NID2: variants seen among roughly 807,000 people sequenced by gnomAD.
NID2 encodes nidogen-2.
NID2 carries 83 observed loss-of-function variants against 145.4 expected under a neutral mutation model. The ratio of observed to expected loss-of-function variants is 0.57; its 90% CI spans 0.48 to 0.69. The LOEUF (loss-of-function observed/expected upper bound fraction) is 0.69, where lower values mean the gene tolerates loss of function less well. Among genes scored for constraint, NID2 ranks in the 30% least tolerant of loss-of-function variants. The probability of loss-of-function intolerance (pLI) is 0.00; values close to 1 mark genes in which losing one functional copy is unlikely to be tolerated. For synonymous variants in NID2, 739 were observed against 701.3 expected, an observed-to-expected ratio of 1.05 and a Z score of -0.85; for missense variants, 1,807 against 1,765.7, an observed-to-expected ratio of 1.02 and a Z score of -0.42.
chr14:52,027,426 C>T (rs1891629305), intron 11 of NID2, 82 bp from the exon 12 acceptor site: 2 of 1,238,874 alleles, frequency 1.6e-6, no homozygotes, highest in Non-Finnish European at 2.1e-6. Context: ...GATCCACAGA[C>T]CAACAGCAAC....
rs1427454374 is a variant in NID2, at chr14:52,015,331, G to C, written c.3029-56C>G. On this transcript the variant is annotated intron_variant, in intron 14 of 21. Coordinates refer to ENST00000216286, the MANE Select transcript of NID2 (RefSeq NM_007361.4). ...AACCTTTGATTGTGAGTCAAGGACA[G>C]AATGCAAAATGTAGCTCAAGACCCC... The C allele has an allele frequency of 6.6e-6, 10 of 1,515,350 alleles. No homozygotes were observed. The African/African-American group carries it at 1.2e-4, about 19-fold the overall frequency. 93.9% of individuals were successfully genotyped at this position (1,515,350 alleles called of 1,614,324 possible). A position where few individuals can be genotyped will look rare whatever the true frequency, so the allele number is the denominator to read the frequency against.
intron 2 of NID2, among the ~76,000 whole-genome samples, 188 bp from the exon 3 acceptor site, chr14:52,060,544 T>C (rs1892994889): frequency 6.6e-6 from 1 of 152,222 alleles, no homozygotes. Context: ...AAGTTAACAA[T>C]ATAATTTCAT....
chr14:52,052,536 A>G (rs904060), intron 5 of NID2, among the ~76,000 whole-genome samples: 93,028 of 152,076 alleles, frequency 0.61, 30,240 homozygotes, highest in Non-Finnish European at 0.75. Context: ...GCCGACACCA[A>G]TGTACTCCCT....
chr14:52,056,623 C>T (rs185755522), intron 3 of NID2, among the ~76,000 whole-genome samples: 6 of 152,112 alleles, frequency 3.9e-5, no homozygotes, highest in East Asian at 1.9e-4. Context: ...TGGTGAAACC[C>T]CACTATAAAT....
chr14:52,042,680 T>C, intron 6 of NID2, 102 bp downstream of exon 6: 1 of 1,173,636 alleles, frequency 8.5e-7, no homozygotes, highest in East Asian at 2.4e-5. Context: ...CTGATTTAAG[T>C]AGTGGAGATG....
At chr14:52,027,633 TACACACACACACACAC>T (rs59049676) in intron 11 of NID2, among the ~76,000 whole-genome samples, 8 of 144,162 alleles carry the variant, frequency 5.5e-5, no homozygotes, top group Non-Finnish European at 7.5e-5. Flanking sequence ...GAGCAATTGC[TACACACACACACACAC>T]ACACACACAC....
chr14:52,043,804 G>A (rs1205309857), intron 5 of NID2, among the ~76,000 whole-genome samples: 2 of 152,024 alleles, frequency 1.3e-5, no homozygotes, highest in African/African-American at 2.4e-5. Flanking sequence ...GGGGGTTGTG[G>A]ATGGACAGGA....
chr14:52,040,251 A>ATTTT (rs11423537), intron 8 of NID2, among the ~76,000 whole-genome samples: 5 of 147,408 alleles, frequency 3.4e-5, no homozygotes, highest in South Asian at 2.2e-4. Flanking sequence ...TCTTTCTGTG[A>ATTTT]TTTTTTTTTT....
chr14:52,032,186 G>T (rs978151964), intron 9 of NID2, among the ~76,000 whole-genome samples: 2 of 152,342 alleles, frequency 1.3e-5, no homozygotes, highest in South Asian at 2.1e-4. Context: ...AAACACCACA[G>T]TGCATTCTTG....
chr14:52,014,566 T>TC lies in NID2; in HGVS notation c.3251-111dup, dbSNP rs938915453. ...AGCCTCCAAAAATATCAAAAGTTCT[T>TC]CGCCCTACGCAGATGTGCTCCAGAT... On this transcript the variant is annotated intron_variant, in intron 15 of 21. Transcript: ENST00000216286. The TC allele has an allele frequency of 4.5e-5, 51 of 1,144,996 alleles. No homozygotes were observed. The African/African-American group carries it at 7.6e-4, about 17-fold the overall frequency. The allele number at this position is 1,144,996 out of a possible 1,614,324, so 70.9% of individuals were successfully genotyped here. A position where few individuals can be genotyped will look rare whatever the true frequency, so the allele number is the denominator to read the frequency against.
chr14:52,039,036 G>T, intron 8 of NID2, 59 bp from the exon 9 acceptor site: 3 of 1,244,440 alleles, frequency 2.4e-6, no homozygotes, highest in African/African-American at 1.5e-5. Context: ...TTTCATGTGA[G>T]GTGGATTTTT....
At position 52,014,469 on chromosome 14, in the gene NID2, G is replaced by T. The variant is rs749989459; in HGVS notation, c.3251-13C>A. 2 of 1,595,168 alleles carry T rather than the reference G, an allele frequency of 1.3e-6. No homozygotes were observed. Among genetic ancestry groups the T allele is most frequent in the Non-Finnish European group, 1.7e-6 (2 of 1,168,872 alleles). On this transcript the variant is annotated splice_polypyrimidine_tract_variant and intron_variant, in intron 15 of 21. Transcript: ENST00000216286. ...ACGGTGGGTATACCTGTGGGAGAGA[G>T]GGTGGGAGAGCAGGAAGGGGAACAA... is the stretch of plus-strand genomic sequence containing the variant.
At chr14:52,059,185 T>A (rs1204159925) in intron 3 of NID2, among the ~76,000 whole-genome samples, 1 of 152,192 alleles carries the variant, frequency 6.6e-6, no homozygotes, top group Non-Finnish European at 1.5e-5. Flanking sequence ...ATCTGGAAAG[T>A]GTTTAGCATG....
At chr14:52,019,712 G>A (rs1008230764) in intron 13 of NID2, among the ~76,000 whole-genome samples, 4 of 152,166 alleles carry the variant, frequency 2.6e-5, no homozygotes, top group Non-Finnish European at 4.4e-5. Flanking sequence ...CGGTCGCCAC[G>A]GGCTTAACCC....
Position 52,005,422 on chromosome 14 carries a change from G to A in NID2, c.*64C>T. 4 of 1,457,546 alleles carry A rather than the reference G, an allele frequency of 2.7e-6. No individual in the cohort carries two copies. The highest frequency in any genetic ancestry group is 2.8e-6 in the Non-Finnish European group (3 of 1,090,540). 90.3% of individuals were successfully genotyped at this position (1,457,546 alleles called of 1,614,324 possible). On this transcript the variant is annotated 3_prime_UTR_variant, in exon 22 of 22. Coordinates refer to ENST00000216286, the MANE Select transcript of NID2 (RefSeq NM_007361.4). ...CTTTTTTACTTTCTTTGCCTTTGCA[G>A]TCACTGTTCTTTAGGGTCCAGGTTC...
At chr14:52,010,592 G>A (rs1158827215) in intron 18 of NID2, 2 of 277,956 alleles carry the variant, frequency 7.2e-6, no homozygotes, top group African/African-American at 4.3e-5. Context: ...AGTAGCCCTA[G>A]TTCTCACAAC....
At chr14:52,053,217 A>G (rs1892733259) in intron 5 of NID2, among the ~76,000 whole-genome samples, 1 of 152,210 alleles carries the variant, frequency 6.6e-6, no homozygotes, top group African/African-American at 2.4e-5. Context: ...CCCGTCCATC[A>G]CTGGAATGTG....
At chr14:52,014,133 TG>T in intron 16 of NID2, 153 bp downstream of exon 16, 1 of 875,000 alleles carries the variant, frequency 1.1e-6, no homozygotes, top group Non-Finnish European at 1.9e-6. Context: ...CCTGGTCCTA[TG>T]GTGGTGGCAT....
At chr14:52,021,776 C>A (rs1451991399) in intron 12 of NID2, among the ~76,000 whole-genome samples, 2 of 152,192 alleles carry the variant, frequency 1.3e-5, no homozygotes, top group Non-Finnish European at 2.9e-5. Context: ...AGGGTAGAAA[C>A]AAACCAGATT....
Sources: gnomAD v4.1 joint callset for allele counts (sites outside exome capture counted in the v4.1 genomes callset) on GRCh38, gnomAD v4.1.1 for gene constraint, MANE v1.5 for transcripts, NCBI Gene and HGNC (gene_info 2026-07-23, HGNC 2026-07-21) for gene names.